SGO1: variants seen among roughly 807,000 people sequenced by gnomAD.
SGO1 encodes the protein shugoshin 1.
A neutral mutation model predicts 50.5 loss-of-function variants in SGO1; 39 were observed. The observed-to-expected ratio is 0.77, with a 90% CI of 0.60 to 1.01. The LOEUF (loss-of-function observed/expected upper bound fraction) is 1.01, where lower values mean the gene tolerates loss of function less well. Ranked by LOEUF, SGO1 falls within the 50% of genes least tolerant of loss-of-function variation. The probability of loss-of-function intolerance (pLI) is 0.00; values close to 1 mark genes in which losing one functional copy is unlikely to be tolerated. For missense variants in SGO1, 638 were observed against 606.0 expected, an observed-to-expected ratio of 1.05 and a Z score of -0.55; for synonymous variants, 191 against 205.1, an observed-to-expected ratio of 0.93 and a Z score of 0.59.
At chr3:20,175,170 T>C in intron 5 of SGO1, 115 bp from the exon 6 acceptor site, 2 of 1,066,718 alleles carry the variant, frequency 1.9e-6, no homozygotes, top group Non-Finnish European at 2.5e-6. Flanking sequence ...TTCTGTAGTT[T>C]TCCTACATTA....
downstream of SGO1, among the ~76,000 whole-genome samples, chr3:20,166,623 G>T (rs1038211493): frequency 6.6e-6 from 1 of 151,984 alleles, no homozygotes; most frequent in Admixed American, 6.6e-5. Flanking sequence ...TAGAGTTTTA[G>T]TTTGGGAAGA....
At chr3:20,173,917 A>AG (rs2125296628) in intron 6 of SGO1, among the ~76,000 whole-genome samples, 1 of 152,332 alleles carries the variant, frequency 6.6e-6, no homozygotes, top group South Asian at 2.1e-4. Context: ...TTCACTTTCA[A>AG]GGGGATACTT....
downstream of SGO1, among the ~76,000 whole-genome samples, chr3:20,168,649 T>G (rs1309582741): frequency 6.6e-6 from 1 of 151,418 alleles, no homozygotes; most frequent in Non-Finnish European, 1.5e-5. Context: ...AAACTGTTTT[T>G]TTTTTTTTTT....
intron 8 of SGO1, among the ~76,000 whole-genome samples, chr3:20,162,388 A>G (rs1700083099): frequency 6.6e-6 from 1 of 152,194 alleles, no homozygotes; most frequent in Non-Finnish European, 1.5e-5. Context: ...TACTGGGGGT[A>G]AACGAGCATA....
At chr3:20,185,457 C>T (rs1388291850) in intron 1 of SGO1, among the ~76,000 whole-genome samples, 1 of 152,134 alleles carries the variant, frequency 6.6e-6, no homozygotes, top group African/African-American at 2.4e-5. Flanking sequence ...AAAGACAGAC[C>T]ACAGCGCGAG....
chr3:20,170,885 G>T, intron 7 of SGO1, 70 bp from the exon 8 acceptor site: 2 of 1,530,916 alleles, frequency 1.3e-6, no homozygotes, highest in Non-Finnish European at 1.8e-6. Context: ...TCCCTACCAA[G>T]TTATGGTAAA....
chr3:20,183,370 C>CG (rs1702241662), intron 3 of SGO1, among the ~76,000 whole-genome samples: 5 of 152,182 alleles, frequency 3.3e-5, no homozygotes, highest in Non-Finnish European at 7.4e-5. Flanking sequence ...CTTCTGGATC[C>CG]TGTTTTGCTA....
downstream of SGO1, among the ~76,000 whole-genome samples, chr3:20,167,058 C>A (rs1164129029): frequency 6.6e-6 from 1 of 151,476 alleles, no homozygotes; most frequent in Non-Finnish European, 1.5e-5. Context: ...TATTTACCAC[C>A]CCTACCAACA....
At chr3:20,164,144 T>C (rs1218699326) in intron 8 of SGO1, among the ~76,000 whole-genome samples, 1 of 152,122 alleles carries the variant, frequency 6.6e-6, no homozygotes, top group Admixed American at 6.5e-5. Context: ...AAGAAAACTA[T>C]AGACCAATAA....
intron 1 of SGO1, 69 bp downstream of exon 1, chr3:20,185,879 A>T (rs1159180184): frequency 6.6e-6 from 1 of 152,214 alleles, no homozygotes; most frequent in Non-Finnish European, 1.5e-5. Context: ...GCTTTCGGCC[A>T]CCGAATTTAG....
chr3:20,175,632 T>TAAAA (rs55831438), intron 5 of SGO1, among the ~76,000 whole-genome samples: 4 of 150,278 alleles, frequency 2.7e-5, no homozygotes, highest in African/African-American at 7.4e-5. Context: ...CCGTCTCTAC[T>TAAAA]AAAAAAAATA....
Position 20,173,262 on chromosome 3 carries a change from C to T in SGO1, c.1282+987G>A, listed in dbSNP as rs577243101. On this transcript the variant is annotated intron_variant, in intron 6 of 7. Transcript: ENST00000412997. Reference sequence around the variant, plus strand: ...TTCTTTTTCTCCTGCCTCAGCCTCCCGAGTAGCTGGGATTACCGGCACATA... The same window carrying T: ...TTCTTTTTCTCCTGCCTCAGCCTCCTGAGTAGCTGGGATTACCGGCACATA... Among the ~76,000 whole-genome samples, 14 of 152,058 alleles carry T rather than the reference C, an allele frequency of 9.2e-5. No individual in the cohort carries two copies. The East Asian group carries it at 2.3e-3, about 25-fold the overall frequency.
At chr3:20,171,841 C>G (rs373909291) in intron 6 of SGO1, among the ~76,000 whole-genome samples, 4 of 152,188 alleles carry the variant, frequency 2.6e-5, no homozygotes, top group East Asian at 3.9e-4. Flanking sequence ...AAAAGTTACT[C>G]AGTGTTTTTC....
chr3:20,172,835 G>A (rs113509139), intron 6 of SGO1, among the ~76,000 whole-genome samples: 10 of 150,088 alleles, frequency 6.7e-5, no homozygotes, highest in South Asian at 6.3e-4. Flanking sequence ...GTGTGATGGC[G>A]CATGCCTGTA....
At chr3:20,184,388 T>G (rs1352345231) in intron 1 of SGO1, among the ~76,000 whole-genome samples, 2 of 152,198 alleles carry the variant, frequency 1.3e-5, no homozygotes, top group Non-Finnish European at 2.9e-5. Flanking sequence ...TTATTTACAC[T>G]TTTTATAGAA....
At chr3:20,162,856 C>T (rs1328146406) in intron 8 of SGO1, among the ~76,000 whole-genome samples, 3 of 150,086 alleles carry the variant, frequency 2.0e-5, no homozygotes, top group Admixed American at 6.6e-5. Flanking sequence ...GATTAATAGA[C>T]GATTTAACAA....
At chr3:20,163,278 G>T (rs931410259) in intron 8 of SGO1, among the ~76,000 whole-genome samples, 1 of 152,030 alleles carries the variant, frequency 6.6e-6, no homozygotes, top group South Asian at 2.1e-4. Context: ...GCCAGCACTC[G>T]TTTAATTTTA....
chr3:20,169,441 T>G (rs1170392525), downstream of SGO1: 4 of 984,008 alleles, frequency 4.1e-6, no homozygotes, highest in Non-Finnish European at 4.8e-6. Flanking sequence ...GACAGAGAGA[T>G]ACTCTATTTT....
At chr3:20,162,534 T>C (rs1700091660) in intron 8 of SGO1, among the ~76,000 whole-genome samples, 2 of 152,126 alleles carry the variant, frequency 1.3e-5, no homozygotes, top group African/African-American at 4.8e-5. Flanking sequence ...ATATAGCTTA[T>C]ACAAATGTAA....
Sources: allele counts gnomAD v4.1 joint callset (sites outside exome capture counted in the v4.1 genomes callset), GRCh38; gene constraint gnomAD v4.1.1; transcripts MANE v1.5; gene names NCBI Gene and HGNC (gene_info 2026-07-23, HGNC 2026-07-21).